Variants in ACOT11 observed in about 807,000 individuals in gnomAD.
ACOT11 encodes acyl-coenzyme A thioesterase 11.
ACOT11 carries 69 observed loss-of-function variants against 77.5 expected under a neutral mutation model. The observed-to-expected ratio is 0.89, with a 90% CI of 0.73 to 1.09. ACOT11 has a LOEUF of 1.09. ACOT11 is among the 50% of genes least tolerant of loss of function. The pLI is 0.00. For missense variants in ACOT11, 766 were observed against 813.7 expected (o/e 0.94, Z 0.71); for synonymous variants, 279 against 313.0 (o/e 0.89, Z 1.15).
intron 11 of ACOT11, 71 bp from the exon 12 acceptor site, chr1:54,604,275 A>G: frequency 6.9e-7 from 1 of 1,439,522 alleles, no homozygotes; most frequent in Non-Finnish European, 9.7e-7. Context: ...TCTCTGGCAC[A>G]CCCTTGGCCT....
intron 7 of ACOT11, chr1:54,598,418 T>G (rs1390259481): frequency 1.3e-5 from 2 of 152,290 alleles, no homozygotes; most frequent in Admixed American, 1.3e-4. Context: ...CAGCCATGCA[T>G]AGACCTCAGT....
At chr1:54,632,823 G>T (rs1644308412) in intron 16 of ACOT11, among the ~76,000 whole-genome samples, 2 of 152,172 alleles carry the variant, frequency 1.3e-5, no homozygotes, top group African/African-American at 2.4e-5. Flanking sequence ...AGTTGGAGTT[G>T]GTAAAGCTGC....
At chr1:54,611,084 T>G (rs573016910), downstream of ACOT11, 16 of 906,476 alleles carry the variant, frequency 1.8e-5, no homozygotes, top group East Asian at 1.7e-3. Context: ...TATAAATTCC[T>G]GAACTGTTTT....
Position 54,620,063 on chromosome 1 carries a change from A to G in ACOT11, c.1630-10671A>G, listed in dbSNP as rs532445981. ...CTGTCCTCGCCCCAGCCCAAGACTC[A>G]TGTTCGTTCATCCCATGACCCTCCC... On this transcript the variant is annotated intron_variant, in intron 15 of 16. Transcript: ENST00000371316. 8.8e-5 allele frequency: 139 copies of G among 1,576,518 alleles called. 3 individuals are homozygous for G. In the South Asian group the frequency reaches 1.5e-3, roughly 17 times the overall value.
intron 15 of ACOT11, among the ~76,000 whole-genome samples, chr1:54,608,287 G>C (rs1489901342): frequency 6.6e-6 from 1 of 152,200 alleles, no homozygotes; most frequent in Non-Finnish European, 1.5e-5. Context: ...AAAAAGCTCT[G>C]GGTGCTGAAG....
intron 1 of ACOT11, among the ~76,000 whole-genome samples, chr1:54,571,900 G>A (rs748299894): frequency 1.5e-4 from 23 of 152,170 alleles, no homozygotes; most frequent in Admixed American, 2.6e-4. Context: ...CACTTTCTGG[G>A]GAGGAAGAGG....
chr1:54,613,931 C>T (rs1644144473), downstream of ACOT11, among the ~76,000 whole-genome samples: 1 of 152,178 alleles, frequency 6.6e-6, no homozygotes, highest in Admixed American at 6.5e-5. Context: ...CAGACTTAGG[C>T]AGGTCTTTTA....
chr1:54,592,460 G>A (rs1299983845), intron 3 of ACOT11, 86 bp from the exon 4 acceptor site: 12 of 1,322,964 alleles, frequency 9.1e-6, no homozygotes, highest in African/African-American at 2.9e-5. Context: ...CCAGCTCCCC[G>A]CAAGAGAGGC....
chr1:54,556,007 C>T (rs376375665), intron 1 of ACOT11, among the ~76,000 whole-genome samples: 84 of 152,294 alleles, frequency 5.5e-4, no homozygotes, highest in African/African-American at 2.0e-3. Context: ...CTCAGTCTCC[C>T]AAAGTGCTGA....
rs1471960890 is a variant in ACOT11, at chr1:54,605,269, T to A, written c.1370+60T>A. The stretch of plus-strand genomic sequence containing the variant: ...TTCTCCGGCCTGATGAGGGAGAGAG[T>A]GTCTCCTTCTGCGGGTCATCCTCCA... On this transcript the variant is annotated intron_variant, in intron 13 of 15. Coordinates refer to ENST00000343744, the MANE Select transcript of ACOT11 (RefSeq NM_147161.4). 1.4e-5 allele frequency: 22 copies of A among 1,567,704 alleles called. 1 individual carries two copies. In the East Asian group the frequency reaches 2.1e-4, roughly 15 times the overall value.
chr1:54,592,305 GCAGA>G (rs3214628), intron 3 of ACOT11, among the ~76,000 whole-genome samples: 6,692 of 152,272 alleles, frequency 0.044, 271 homozygotes, highest in East Asian at 0.18. Context: ...GAACGGGGGA[GCAGA>G]TGAGTGCAAT....
chr1:54,555,889 A>G (rs1216357251), intron 1 of ACOT11, among the ~76,000 whole-genome samples: 1 of 152,086 alleles, frequency 6.6e-6, no homozygotes, highest in Non-Finnish European at 1.5e-5. Context: ...CTGGGATGAC[A>G]GGCACATGCC....
intron 1 of ACOT11, among the ~76,000 whole-genome samples, chr1:54,576,491 TAAAAAAAAAAA>T (rs71581820): frequency 1.5e-5 from 1 of 68,366 alleles, no homozygotes; most frequent in African/African-American, 5.0e-5. Context: ...GAGCAAGATC[TAAAAAAAAAAA>T]AAAAAAAAAA....
chr1:54,551,805 G>A (rs989461788), intron 1 of ACOT11, among the ~76,000 whole-genome samples: 2 of 136,134 alleles, frequency 1.5e-5, no homozygotes, highest in African/African-American at 2.6e-5. Context: ...CCAGGAGTGC[G>A]GTGGTGTAAT....
At chr1:54,624,598 G>A (rs1330435685) in intron 15 of ACOT11, among the ~76,000 whole-genome samples, 1 of 152,182 alleles carries the variant, frequency 6.6e-6, no homozygotes, top group Admixed American at 6.5e-5. Context: ...AGAGTTGGAG[G>A]AAGAGGCATT....
intron 15 of ACOT11, among the ~76,000 whole-genome samples, chr1:54,620,877 A>AAAAAAAAG (rs1644223342): frequency 1.5e-5 from 2 of 135,004 alleles, no homozygotes; most frequent in Non-Finnish European, 3.2e-5. Context: ...AAAAAAAAAA[A>AAAAAAAAG]GGCTGGGTTT....
intron 7 of ACOT11, 125 bp downstream of exon 7, chr1:54,597,540 C>A: frequency 8.1e-7 from 1 of 1,240,326 alleles, no homozygotes. Context: ...CTTGGCTGTT[C>A]TGAATCAGAG....
intron 6 of ACOT11, 85 bp downstream of exon 6, chr1:54,594,776 G>C (rs1039100794): frequency 6.6e-7 from 1 of 1,518,388 alleles, no homozygotes; most frequent in Admixed American, 2.1e-5. Flanking sequence ...GGCAGAGGCA[G>C]GAAGGGAGGC....
chr1:54,606,467 G>A (rs1644027050), intron 13 of ACOT11, among the ~76,000 whole-genome samples: 1 of 152,166 alleles, frequency 6.6e-6, no homozygotes, highest in South Asian at 2.1e-4. Flanking sequence ...TTGTGTGGGT[G>A]CACGTGTTGG....
Sources: allele counts gnomAD v4.1 joint callset (sites outside exome capture counted in the v4.1 genomes callset), GRCh38; gene constraint gnomAD v4.1.1; transcripts MANE v1.5; gene names NCBI Gene and HGNC (gene_info 2026-07-23, HGNC 2026-07-21).